The following UPP2 variants were observed in gnomAD, a reference collection of about 807,000 sequenced individuals.
The protein encoded by UPP2 is uridine phosphorylase 2.
A neutral mutation model predicts 26.7 loss-of-function variants in UPP2; 23 were observed. The ratio of observed to expected loss-of-function variants is 0.86; its 90% confidence interval spans 0.62 to 1.22. UPP2 has a LOEUF of 1.22. UPP2 is among the 50% of genes most tolerant of loss of function. The probability of loss-of-function intolerance (pLI) is 0.00; values close to 1 mark genes in which losing one functional copy is unlikely to be tolerated. For missense variants in UPP2, 387 were observed against 396.7 expected, an observed-to-expected ratio of 0.98 and a Z score of 0.21; for synonymous variants, 127 against 141.3, an observed-to-expected ratio of 0.90 and a Z score of 0.72.
At chr2:158,011,055 G>C (rs1336829964) in intron 2 of UPP2, among the ~76,000 whole-genome samples, 1 of 152,088 alleles carries the variant, frequency 6.6e-6, no homozygotes, top group Non-Finnish European at 1.5e-5. Flanking sequence ...GTGAGCCACA[G>C]TGCCCGGCCT....
At chr2:158,114,992 G>A in intron 2 of UPP2, 109 bp from the exon 3 acceptor site, 2 of 1,111,796 alleles carry the variant, frequency 1.8e-6, no homozygotes, top group Non-Finnish European at 2.4e-6. Flanking sequence ...ATCTACACGT[G>A]TTCTTAAGTA....
At chr2:158,065,991 G>T (rs1682428204) in intron 3 of UPP2, 2 of 398,726 alleles carry the variant, frequency 5.0e-6, no homozygotes, top group Non-Finnish European at 9.3e-6. Flanking sequence ...TTTTGTATTT[G>T]GAGAAGTATC....
intron 4 of UPP2, among the ~76,000 whole-genome samples, 168 bp downstream of exon 4, chr2:158,118,106 C>G (rs74810250): frequency 0.011 from 1,599 of 152,010 alleles, 33 homozygotes; most frequent in African/African-American, 0.036. Context: ...TTGCCTTTTT[C>G]TTTTATTCCT....
intron 3 of UPP2, among the ~76,000 whole-genome samples, chr2:158,021,578 C>T (rs2105148809): frequency 6.6e-6 from 1 of 152,318 alleles, no homozygotes; most frequent in Non-Finnish European, 1.5e-5. Context: ...TGATATTTGC[C>T]TTCCTTTGAG....
intron 2 of UPP2, among the ~76,000 whole-genome samples, chr2:158,106,889 T>A (rs1269137365): frequency 1.3e-5 from 2 of 152,212 alleles, no homozygotes; most frequent in Non-Finnish European, 2.9e-5. Context: ...TTTCTTTCAA[T>A]CATTTTTAAT....
intron 3 of UPP2, among the ~76,000 whole-genome samples, chr2:158,096,056 T>G (rs1214188477): frequency 6.6e-6 from 1 of 152,170 alleles, no homozygotes; most frequent in Non-Finnish European, 1.5e-5. Flanking sequence ...GGCCCTCTGT[T>G]GACCAGGCCA....
At chr2:158,024,774 C>T (rs565927250) in intron 3 of UPP2, among the ~76,000 whole-genome samples, 3 of 152,184 alleles carry the variant, frequency 2.0e-5, no homozygotes, top group Admixed American at 6.5e-5. Flanking sequence ...TGAAATGTGT[C>T]ACTTAAAGGG....
chr2:158,126,149 A>G (rs1683688851), intron 6 of UPP2, among the ~76,000 whole-genome samples: 1 of 152,132 alleles, frequency 6.6e-6, no homozygotes, highest in East Asian at 1.9e-4. Context: ...AAGTGAAGTT[A>G]TTCTAAGAGC....
chr2:158,023,229 T>G (rs1162359311), intron 3 of UPP2, among the ~76,000 whole-genome samples: 5 of 34,102 alleles, frequency 1.5e-4, no homozygotes, highest in Admixed American at 7.0e-4. Context: ...TTGCTGTCAG[T>G]TGGGGGGGGG....
At position 158,062,714 on chromosome 2, in the gene UPP2, A is replaced by G. The variant is rs181377709; in HGVS notation, c.148-39326A>G. ...ATGTGGCTAGGACTTCCCTTATAGG[A>G]TGCTGTATCTTCTTCTGAGATAACA... On this transcript the variant is annotated intron_variant, in intron 3 of 9. Transcript: ENST00000605860. 4.6e-3 allele frequency among the ~76,000 whole-genome samples: 703 copies of G among 152,276 alleles called. 18 individuals are homozygous for G. The highest frequency in any genetic ancestry group is 3.2e-3 in the Non-Finnish European group (220 of 68,022).
chr2:158,054,385 G>GTTTT (rs71404330), intron 3 of UPP2, among the ~76,000 whole-genome samples: 1 of 139,044 alleles, frequency 7.2e-6, no homozygotes, highest in Admixed American at 6.9e-5. Flanking sequence ...TTATTTTGAG[G>GTTTT]TTTTTTTTTT....
chr2:158,021,605 C>G (rs1683753345), intron 3 of UPP2, among the ~76,000 whole-genome samples: 1 of 152,202 alleles, frequency 6.6e-6, no homozygotes, highest in African/African-American at 2.4e-5. Context: ...ATTTTATTAT[C>G]TCACCTGTCA....
intron 3 of UPP2, among the ~76,000 whole-genome samples, chr2:158,070,138 T>C (rs1392287890): frequency 6.6e-6 from 1 of 152,186 alleles, no homozygotes; most frequent in South Asian, 2.1e-4. Flanking sequence ...CTCTCTTCAC[T>C]TCTTACTAGC....
chr2:158,018,366 T>C (rs1482841072), intron 3 of UPP2, among the ~76,000 whole-genome samples: 1 of 152,230 alleles, frequency 6.6e-6, no homozygotes, highest in Admixed American at 6.5e-5. Flanking sequence ...CCTGGCACTG[T>C]GTCTTTTTTT....
chr2:158,119,874 G>C (rs1208279637), intron 4 of UPP2, among the ~76,000 whole-genome samples: 1 of 151,728 alleles, frequency 6.6e-6, no homozygotes, highest in East Asian at 1.9e-4. Flanking sequence ...AGTTAGGTGT[G>C]GGTGTATGTG....
chr2:158,001,920 C>A (rs999867782), intron 2 of UPP2, among the ~76,000 whole-genome samples: 4 of 127,274 alleles, frequency 3.1e-5, no homozygotes. Context: ...TTCCTTGAAG[C>A]GGACAGCTTT....
intron 3 of UPP2, among the ~76,000 whole-genome samples, chr2:158,084,833 A>G (rs768899155): frequency 6.6e-6 from 1 of 152,080 alleles, no homozygotes; most frequent in African/African-American, 2.4e-5. Flanking sequence ...TGGGTTCTCT[A>G]TTCTATTCCA....
chr2:158,095,961 T>A (rs1682978957), intron 3 of UPP2, among the ~76,000 whole-genome samples: 1 of 152,202 alleles, frequency 6.6e-6, no homozygotes, highest in Non-Finnish European at 1.5e-5. Context: ...CGGTGCCTCA[T>A]ATTTTCTCAA....
chr2:158,009,013 G>T (rs904658398), intron 2 of UPP2, among the ~76,000 whole-genome samples: 6 of 151,916 alleles, frequency 3.9e-5, no homozygotes, highest in Admixed American at 2.0e-4. Context: ...ACCCTTTAAG[G>T]GTTATCCTTG....
Sources: allele counts gnomAD v4.1 joint callset (sites outside exome capture counted in the v4.1 genomes callset), GRCh38; gene constraint gnomAD v4.1.1; transcripts MANE v1.5; gene names NCBI Gene and HGNC (gene_info 2026-07-23, HGNC 2026-07-21).